Variants in FAHD2B observed in about 807,000 individuals in gnomAD.
FAHD2B encodes oxaloacetate tautomerase FAHD2B, mitochondrial.
Under a neutral mutation model 33.7 loss-of-function variants are expected in FAHD2B, and 26 were observed. The observed-to-expected ratio is 0.77, with a 90% CI of 0.57 to 1.07. The LOEUF is 1.07. Among genes scored for constraint, FAHD2B ranks in the 50% least tolerant of loss-of-function variants. The probability of loss-of-function intolerance (pLI) is 0.00; values close to 1 mark genes in which losing one functional copy is unlikely to be tolerated. For missense variants in FAHD2B, 272 were observed against 388.1 expected (o/e 0.70, Z 2.51); for synonymous variants, 108 against 150.9 (o/e 0.72, Z 2.08).
At chr2:97,083,321 C>A, downstream of FAHD2B, 4 of 1,557,408 alleles carry the variant, frequency 2.6e-6, no homozygotes, top group Non-Finnish European at 2.6e-6. Context: ...TGTCCTAGAG[C>A]CAGAAGATGG....
chr2:97,082,583 T>C (rs2031688541), downstream of FAHD2B: 1 of 1,575,310 alleles, frequency 6.3e-7, no homozygotes, highest in African/African-American at 1.3e-5. Context: ...GTACAGACAG[T>C]CTTCTGTCCA....
chr2:97,088,246 G>A (rs772703806), intron 4 of FAHD2B, among the ~76,000 whole-genome samples: 8 of 152,210 alleles, frequency 5.3e-5, no homozygotes, highest in East Asian at 3.9e-4. Flanking sequence ...CACTCAAAGC[G>A]TAATATTTAC....
At chr2:97,083,294 G>A (rs2031727057), downstream of FAHD2B, 1 of 1,597,854 alleles carries the variant, frequency 6.3e-7, no homozygotes, top group East Asian at 2.2e-5. Context: ...AGACTTCTCA[G>A]CCCCAGAACA....
At chr2:97,079,823 C>A (rs1249392514), downstream of FAHD2B, among the ~76,000 whole-genome samples, 1 of 151,824 alleles carries the variant, frequency 6.6e-6, no homozygotes, top group South Asian at 2.1e-4. Flanking sequence ...CACCACCACG[C>A]CCAGCTAATG....
At chr2:97,093,095 A>T (rs2032451402) in intron 1 of FAHD2B, among the ~76,000 whole-genome samples, 1 of 151,782 alleles carries the variant, frequency 6.6e-6, no homozygotes, top group Non-Finnish European at 1.5e-5. Context: ...ACTATTCCTT[A>T]CCACATGGTG....
At chr2:97,082,651 A>C (rs2031692714), downstream of FAHD2B, 1 of 1,548,614 alleles carries the variant, frequency 6.5e-7, no homozygotes, top group African/African-American at 1.4e-5. Flanking sequence ...GCCTGTGCCC[A>C]GTGGCTCCCT....
At position 97,091,853 on chromosome 2, in the gene FAHD2B, T is replaced by A; in HGVS notation, c.-7+10A>T. On this transcript the variant is annotated intron_variant, in intron 2 of 8. Coordinates refer to ENST00000414820, the MANE Select transcript of FAHD2B (RefSeq NM_001320848.2). ...TACCACACGGGAAGCGGTCCAGGCT[T>A]GTATTTTACCTGCTATACTTCATAA... is the stretch of plus-strand genomic sequence containing the variant. The A allele has an allele frequency of 7.8e-7, 1 of 1,288,324 alleles. No individual in the cohort carries two copies. The highest frequency in any genetic ancestry group is 1.1e-6 in the Non-Finnish European group (1 of 948,272). The allele number at this position is 1,288,324 out of a possible 1,614,324, so 79.8% of individuals were successfully genotyped here. A position where few individuals can be genotyped will look rare whatever the true frequency, so the allele number is the denominator to read the frequency against.
chr2:97,082,614 G>A (rs1227820850), downstream of FAHD2B: 156 of 1,561,504 alleles, frequency 1.0e-4, 7 homozygotes, highest in South Asian at 1.4e-3. Context: ...TATCCCTCCC[G>A]GGGCTTCTTT....
intron 4 of FAHD2B, 40 bp from the exon 5 acceptor site, chr2:97,086,238 G>C: frequency 6.2e-7 from 1 of 1,603,488 alleles, no homozygotes; most frequent in Non-Finnish European, 8.5e-7. Flanking sequence ...CAGTGGCTTC[G>C]GGGCCCATTA....
chr2:97,087,526 T>C lies in FAHD2B; in HGVS notation c.463-1328A>G, dbSNP rs932719526. On this transcript the variant is annotated intron_variant, in intron 4 of 8. Transcript: ENST00000414820. ...CAGCCTGGCCAACATGGTGAAACCC[T>C]GTCTCTACTAGAAATACAAAAAATT... 2.4e-4 allele frequency among the ~76,000 whole-genome samples: 36 copies of C among 152,082 alleles called. 1 individual carries two copies. Among genetic ancestry groups the C allele is most frequent in the South Asian group, 8.4e-4 (4 of 4,774 alleles).
At chr2:97,084,570 G>A (rs1195070853) in intron 6 of FAHD2B, among the ~76,000 whole-genome samples, 4 of 151,864 alleles carry the variant, frequency 2.6e-5, no homozygotes, top group African/African-American at 9.7e-5. Context: ...TCAAGAAAGG[G>A]CATCTGTCTA....
At chr2:97,079,043 G>T (rs1479430257), downstream of FAHD2B, among the ~76,000 whole-genome samples, 1 of 151,812 alleles carries the variant, frequency 6.6e-6, no homozygotes, top group South Asian at 2.1e-4. Flanking sequence ...TCCTGCATTA[G>T]TTTGCTAAGG....
chr2:97,093,956 G>C (rs1436245934), intron 1 of FAHD2B, among the ~76,000 whole-genome samples: 1 of 152,116 alleles, frequency 6.6e-6, no homozygotes. Flanking sequence ...TCAGAAGCCT[G>C]TAATGCAAGC....
chr2:97,083,855 G>T, intron 8 of FAHD2B, 38 bp from the exon 9 acceptor site: 1 of 1,614,018 alleles, frequency 6.2e-7, no homozygotes, highest in Non-Finnish European at 8.5e-7. Flanking sequence ...CAGCCCTTCC[G>T]TCAGACACAT....
intron 4 of FAHD2B, among the ~76,000 whole-genome samples, 155 bp from the exon 5 acceptor site, chr2:97,086,353 G>T (rs2031990494): frequency 6.6e-6 from 1 of 152,152 alleles, no homozygotes; most frequent in Non-Finnish European, 1.5e-5. Flanking sequence ...GACAAGGGAG[G>T]TGTGACTTGT....
intron 6 of FAHD2B, among the ~76,000 whole-genome samples, chr2:97,084,988 A>G (rs2031875334): frequency 6.6e-6 from 1 of 151,730 alleles, no homozygotes; most frequent in Admixed American, 6.6e-5. Flanking sequence ...AGCCTCGTGT[A>G]TCAGCCGCTG....
chr2:97,093,457 T>C (rs987670680), intron 1 of FAHD2B, among the ~76,000 whole-genome samples: 3 of 148,070 alleles, frequency 2.0e-5, no homozygotes, highest in Admixed American at 6.9e-5. Flanking sequence ...CTACCTACAA[T>C]GTCTGATTTA....
chr2:97,082,372 C>A, downstream of FAHD2B: 16 of 1,613,178 alleles, frequency 9.9e-6, no homozygotes, highest in Non-Finnish European at 1.2e-5. Context: ...TGCTGGGTGC[C>A]AGGTCTAGGT....
At position 97,085,825 on chromosome 2, in the gene FAHD2B, C is replaced by T. The variant is rs139259381; in HGVS notation, c.559G>A (p.Val187Met). Residue 187 changes from valine (V) to methionine (M), a missense_variant, in exon 6 of 9, where the codon GTG becomes ATG. Val to Met is a conservative substitution (Grantham distance 21). Transcript: ENST00000414820. ...DAMAHVAGFT[V>M]AHDVSARDWL... The stretch of plus-strand genomic sequence containing the variant: ...TCACGAGCACTCACGTCATGAGCCA[C>T]AGTGAAGCCGGCCACGTGGGCCATG... The T allele has an allele frequency of 6.7e-4, 1,081 of 1,613,858 alleles. 6 individuals are homozygous for T. The African/African-American group carries it at 0.012, about 18-fold the overall frequency.
Sources: allele counts gnomAD v4.1 joint callset (sites outside exome capture counted in the v4.1 genomes callset), GRCh38; gene constraint gnomAD v4.1.1; transcripts MANE v1.5; gene names NCBI Gene and HGNC (gene_info 2026-07-23, HGNC 2026-07-21).